The following AGMO variants were observed in gnomAD, a reference collection of about 807,000 sequenced individuals.
AGMO encodes the protein glyceryl-ether monooxygenase.
AGMO carries 75 observed loss-of-function variants against 60.2 expected under a neutral mutation model. That is an observed-to-expected ratio of 1.25 (90% CI 1.03 to 1.51). The LOEUF (loss-of-function observed/expected upper bound fraction) is 1.51. Ranked by LOEUF, AGMO falls within the 40% of genes most tolerant of loss-of-function variation. The probability of loss-of-function intolerance (pLI) is 0.00; values close to 1 mark genes in which losing one functional copy is unlikely to be tolerated. For synonymous variants in AGMO, 261 were observed against 177.1 expected (o/e 1.47, Z -3.76); for missense variants, 763 against 525.5 (o/e 1.45, Z -4.42).
rs528270998 is a variant in AGMO, at chr7:15,360,382, C to A, written c.1263+5132G>T. On this transcript the variant is annotated intron_variant, in intron 12 of 12. Coordinates refer to ENST00000342526, the MANE Select transcript of AGMO (RefSeq NM_001004320.2). ...ACTTTCACCTCCCCGGAAAATGTAG[C>A]TATTAATCACCTACTGTTGACCAGA... Among the ~76,000 whole-genome samples, 6 of 152,288 alleles carry A rather than the reference C, an allele frequency of 3.9e-5. No homozygotes were observed. In the East Asian group the frequency reaches 1.2e-3, roughly 29 times the overall value.
intron 12 of AGMO, among the ~76,000 whole-genome samples, chr7:15,341,332 G>A (rs1397164266): frequency 1.3e-5 from 2 of 152,114 alleles, no homozygotes. Flanking sequence ...TTTCTCTGAA[G>A]TTCAAATTTC....
intron 10 of AGMO, among the ~76,000 whole-genome samples, chr7:15,378,697 T>C (rs1407672738): frequency 2.6e-5 from 4 of 151,940 alleles, no homozygotes; most frequent in Non-Finnish European, 4.4e-5. Context: ...ATGGACCTGA[T>C]AGATACAGTC....
chr7:15,160,451 G>A, the AGMO span, among the ~76,000 whole-genome samples: 15 of 152,120 alleles, frequency 9.9e-5, no homozygotes, highest in Admixed American at 6.5e-4. Flanking sequence ...TATTATTAAC[G>A]AGAACTGTAT....
intron 12 of AGMO, among the ~76,000 whole-genome samples, chr7:15,350,947 G>T (rs1036943485): frequency 6.6e-6 from 1 of 152,080 alleles, no homozygotes. Flanking sequence ...TCTTGTTGTT[G>T]GTATGTGTTA....
chr7:15,258,647 A>T (rs1783174639), intron 12 of AGMO, among the ~76,000 whole-genome samples: 1 of 152,184 alleles, frequency 6.6e-6, no homozygotes, highest in Non-Finnish European at 1.5e-5. Context: ...CAAAAACACA[A>T]CCTAGGACCC....
At chr7:15,143,688 C>CTT in the AGMO span, among the ~76,000 whole-genome samples, 8 of 127,884 alleles carry the variant, frequency 6.3e-5, no homozygotes, top group African/African-American at 2.6e-4. Context: ...TTTGTTTTGT[C>CTT]TTTTTTTTTT....
intron 3 of AGMO, among the ~76,000 whole-genome samples, chr7:15,471,458 T>C (rs2128512687): frequency 6.6e-6 from 1 of 152,084 alleles, no homozygotes; most frequent in African/African-American, 2.4e-5. Context: ...GATCTTTCTT[T>C]CTACTTTAAT....
chr7:15,490,408 C>G (rs187635391), intron 3 of AGMO, among the ~76,000 whole-genome samples: 7 of 151,860 alleles, frequency 4.6e-5, no homozygotes, highest in Non-Finnish European at 8.8e-5. Context: ...AGTTCTTTCA[C>G]AGAGATCATT....
At chr7:15,184,728 A>C in the AGMO span, among the ~76,000 whole-genome samples, 1 of 107,696 alleles carries the variant, frequency 9.3e-6, no homozygotes, top group African/African-American at 3.7e-5. Context: ...AAGGAAAAGG[A>C]GGGAGGGAGG....
intron 12 of AGMO, among the ~76,000 whole-genome samples, chr7:15,360,871 C>T (rs1332264230): frequency 6.6e-6 from 1 of 152,038 alleles, no homozygotes; most frequent in Non-Finnish European, 1.5e-5. Flanking sequence ...CATGCCCACA[C>T]CTGAGAACAC....
chr7:15,533,681 C>T (rs6944542), intron 3 of AGMO, among the ~76,000 whole-genome samples: 119,764 of 152,034 alleles, frequency 0.79, 47,355 homozygotes, highest in East Asian at 0.97. Context: ...CCACTATATT[C>T]CTATATTTCT....
At chr7:15,518,558 C>T (rs1370643373) in intron 3 of AGMO, among the ~76,000 whole-genome samples, 3 of 152,138 alleles carry the variant, frequency 2.0e-5, no homozygotes, top group African/African-American at 7.2e-5. Flanking sequence ...CAGCAAACTC[C>T]AGCAGACCTG....
intron 5 of AGMO, among the ~76,000 whole-genome samples, chr7:15,407,140 A>G (rs920264528): frequency 6.8e-6 from 1 of 147,410 alleles, no homozygotes; most frequent in African/African-American, 2.5e-5. Context: ...ACGTATACAC[A>G]TATAGATATA....
chr7:15,343,034 G>A (rs1462865502), intron 12 of AGMO, among the ~76,000 whole-genome samples: 3 of 151,818 alleles, frequency 2.0e-5, no homozygotes, highest in East Asian at 1.9e-4. Flanking sequence ...TATCTGAAAA[G>A]GTACCTAATA....
At chr7:15,545,308 AT>A (rs1374239663) in intron 2 of AGMO, among the ~76,000 whole-genome samples, 3 of 152,140 alleles carry the variant, frequency 2.0e-5, no homozygotes, top group Non-Finnish European at 4.4e-5. Context: ...AGAATTCTTT[AT>A]AAAGGGAATT....
At chr7:15,352,579 T>A (rs956459458) in intron 12 of AGMO, among the ~76,000 whole-genome samples, 2 of 151,756 alleles carry the variant, frequency 1.3e-5, no homozygotes, top group Admixed American at 1.3e-4. Flanking sequence ...CAGAAATGCG[T>A]GGCAATTTTA....
At chr7:15,389,144 C>CAACTG in intron 8 of AGMO, among the ~76,000 whole-genome samples, 1 of 152,208 alleles carries the variant, frequency 6.6e-6, no homozygotes, top group African/African-American at 2.4e-5. Flanking sequence ...AATCACCCAT[C>CAACTG]AACTGGCAGC....
chr7:15,559,434 G>T (rs1458572830), intron 2 of AGMO, among the ~76,000 whole-genome samples: 1 of 152,032 alleles, frequency 6.6e-6, no homozygotes, highest in Non-Finnish European at 1.5e-5. Flanking sequence ...GCTTGCTGAA[G>T]AGTGTGATGT....
At chr7:15,306,926 T>C (rs972843773) in intron 12 of AGMO, among the ~76,000 whole-genome samples, 31 of 152,018 alleles carry the variant, frequency 2.0e-4, no homozygotes, top group Non-Finnish European at 2.7e-4. Flanking sequence ...ATTAAATGCA[T>C]ACGTTACAAT....
Sources: gnomAD v4.1 joint callset for allele counts (sites outside exome capture counted in the v4.1 genomes callset) on GRCh38, gnomAD v4.1.1 for gene constraint, MANE v1.5 for transcripts, NCBI Gene and HGNC (gene_info 2026-07-23, HGNC 2026-07-21) for gene names.